The following OPCML variants were observed in gnomAD, a reference collection of about 807,000 sequenced individuals.
OPCML encodes opioid-binding protein/cell adhesion molecule.
Under a neutral mutation model 37.8 loss-of-function variants are expected in OPCML, and 13 were observed. The observed-to-expected ratio is 0.34, with a 90% CI of 0.22 to 0.55. The LOEUF (loss-of-function observed/expected upper bound fraction) is 0.55, where lower values mean the gene tolerates loss of function less well. Among genes scored for constraint, OPCML ranks in the 20% least tolerant of loss-of-function variants. OPCML has a pLI of 0.91. For synonymous variants in OPCML, 176 were observed against 168.8 expected (o/e 1.04, Z -0.33); for missense variants, 341 against 435.6 (o/e 0.78, Z 1.93).
At chr11:133,040,942 T>A (rs193008185) in intron 1 of OPCML, among the ~76,000 whole-genome samples, 342 of 152,254 alleles carry the variant, frequency 2.2e-3, no homozygotes, top group African/African-American at 7.8e-3. Flanking sequence ...ACAGAACATC[T>A]TCTTACCTGC....
chr11:133,381,651 G>A (rs1944930791), intron 1 of OPCML, among the ~76,000 whole-genome samples: 1 of 152,196 alleles, frequency 6.6e-6, no homozygotes, highest in East Asian at 1.9e-4. Flanking sequence ...GGGGTCTGAT[G>A]TAGAGACAGA....
intron 7 of OPCML, among the ~76,000 whole-genome samples, chr11:132,421,167 T>G (rs2095957622): frequency 6.6e-6 from 1 of 152,156 alleles, no homozygotes; most frequent in African/African-American, 2.4e-5. Context: ...GTATCTAACT[T>G]GGACCAGGTG....
intron 2 of OPCML, among the ~76,000 whole-genome samples, chr11:132,711,496 C>T (rs1944261410): frequency 6.6e-6 from 1 of 152,164 alleles, no homozygotes; most frequent in South Asian, 2.1e-4. Context: ...ACACTTGCCC[C>T]TTGAACTAGT....
chr11:132,848,974 TC>T (rs1216436778), intron 2 of OPCML, among the ~76,000 whole-genome samples: 1 of 152,180 alleles, frequency 6.6e-6, no homozygotes, highest in Non-Finnish European at 1.5e-5. Flanking sequence ...AGTTGTTCTG[TC>T]TCTGCCTTGG....
chr11:133,458,838 C>CACATAGATGCACGTGTGTGTGTATAT lies in OPCML; in HGVS notation c.61+73400_61+73425dup, dbSNP rs1946787603. The stretch of plus-strand genomic sequence containing the variant: ...ATAGATGCACGTGTGTGTGTATATA[C>CACATAGATGCACGTGTGTGTGTATAT]ACATAGATGCACGTGTGTGTGTATA... On this transcript the variant is annotated intron_variant, in intron 1 of 7. Coordinates refer to ENST00000524381, the MANE Select transcript of OPCML (RefSeq NM_001012393.5). Among the ~76,000 whole-genome samples, 4 of 147,308 alleles carry CACATAGATGCACGTGTGTGTGTATAT rather than the reference C, an allele frequency of 2.7e-5. 1 individual carries two copies. The highest frequency in any genetic ancestry group is 6.0e-5 in the Non-Finnish European group (4 of 66,270).
intron 1 of OPCML, among the ~76,000 whole-genome samples, chr11:133,148,416 G>A (rs1442991662): frequency 1.3e-5 from 2 of 152,194 alleles, no homozygotes; most frequent in South Asian, 2.1e-4. Context: ...TTCTTACTGC[G>A]TTGGTAAATG....
At chr11:133,426,795 C>T (rs141315289) in intron 1 of OPCML, among the ~76,000 whole-genome samples, 37 of 152,134 alleles carry the variant, frequency 2.4e-4, no homozygotes, top group African/African-American at 8.7e-4. Flanking sequence ...CACTGGAGGC[C>T]GCCATTTTCA....
chr11:133,210,815 T>A (rs1179078699), intron 1 of OPCML, among the ~76,000 whole-genome samples: 2 of 152,122 alleles, frequency 1.3e-5, no homozygotes, highest in Non-Finnish European at 2.9e-5. Context: ...TTTTTTAACT[T>A]CTCTGAACTT....
rs1945561833 is a variant in OPCML, at chr11:132,941,090, T to C, written c.146+1836A>G. On this transcript the variant is annotated intron_variant, in intron 2 of 7. Transcript: ENST00000524381. ...CTAGAACATGTAAGTTGTTCTTTTT[T>C]TCTGCAAAGAACAAAAAGCAACTAT... Among the ~76,000 whole-genome samples, 3 of 152,244 alleles carry C rather than the reference T, an allele frequency of 2.0e-5. No homozygotes were observed. The South Asian group carries it at 6.2e-4, about 32-fold the overall frequency.
At chr11:133,498,850 A>C (rs930343762) in intron 1 of OPCML, among the ~76,000 whole-genome samples, 1 of 152,220 alleles carries the variant, frequency 6.6e-6, no homozygotes, top group Admixed American at 6.5e-5. Context: ...TGTAAGAATA[A>C]CAGCTACCAT....
intron 1 of OPCML, among the ~76,000 whole-genome samples, chr11:132,959,987 A>T (rs1002070845): frequency 1.3e-5 from 2 of 152,230 alleles, no homozygotes; most frequent in African/African-American, 2.4e-5. Flanking sequence ...GGAATCTGGG[A>T]AACATGTTTG....
At chr11:133,217,240 G>A (rs1939622799) in intron 1 of OPCML, among the ~76,000 whole-genome samples, 1 of 152,056 alleles carries the variant, frequency 6.6e-6, no homozygotes, top group Non-Finnish European at 1.5e-5. Context: ...TAGCTCCCTG[G>A]TCTGATGCTC....
chr11:132,802,095 TC>T (rs1938689090), intron 2 of OPCML, among the ~76,000 whole-genome samples: 1 of 152,176 alleles, frequency 6.6e-6, no homozygotes, highest in Non-Finnish European at 1.5e-5. Context: ...TACTCCCTTT[TC>T]TTTTTGACCA....
intron 1 of OPCML, among the ~76,000 whole-genome samples, chr11:133,351,284 T>C (rs1944131433): frequency 6.6e-6 from 1 of 152,154 alleles, no homozygotes; most frequent in African/African-American, 2.4e-5. Context: ...CCCATTCCCT[T>C]ATCAAGTCAC....
At chr11:132,779,049 C>T (rs914509170) in intron 2 of OPCML, among the ~76,000 whole-genome samples, 12 of 142,860 alleles carry the variant, frequency 8.4e-5, no homozygotes, top group African/African-American at 3.1e-4. Context: ...CTCACTGCAA[C>T]CTCCACCTCG....
At chr11:132,603,590 C>T (rs2137794755) in intron 3 of OPCML, among the ~76,000 whole-genome samples, 1 of 152,328 alleles carries the variant, frequency 6.6e-6, no homozygotes, top group South Asian at 2.1e-4. Context: ...TCAGAAGGGT[C>T]TTTCTAAATA....
intron 4 of OPCML, among the ~76,000 whole-genome samples, chr11:132,452,793 C>T (rs1264696107): frequency 6.6e-6 from 1 of 152,176 alleles, no homozygotes; most frequent in Non-Finnish European, 1.5e-5. Context: ...AAGACAGTCT[C>T]CCAAAATATG....
chr11:132,659,749 T>G (rs370185683), intron 2 of OPCML, among the ~76,000 whole-genome samples: 2 of 152,242 alleles, frequency 1.3e-5, no homozygotes, highest in East Asian at 3.9e-4. Flanking sequence ...CAGTAGAATT[T>G]AAATATCACA....
At chr11:132,453,500 G>A (rs551600955) in intron 4 of OPCML, among the ~76,000 whole-genome samples, 3 of 152,262 alleles carry the variant, frequency 2.0e-5, no homozygotes, top group South Asian at 4.1e-4. Context: ...CAAAAGGACC[G>A]CAGAAAAATA....
Sources: allele counts gnomAD v4.1 joint callset (sites outside exome capture counted in the v4.1 genomes callset), GRCh38; gene constraint gnomAD v4.1.1; transcripts MANE v1.5; gene names NCBI Gene and HGNC (gene_info 2026-07-23, HGNC 2026-07-21).